The following MYO6 variants were observed in gnomAD, a reference collection of about 807,000 sequenced individuals.
MYO6 encodes the protein unconventional myosin-VI.
Under a neutral mutation model 178.7 loss-of-function variants are expected in MYO6, and 74 were observed. That is an observed-to-expected ratio of 0.41 (90% CI 0.34 to 0.50). The LOEUF is 0.50. MYO6 is among the 20% of genes least tolerant of loss of function. The probability of loss-of-function intolerance (pLI) is 0.09; values close to 1 mark genes in which losing one functional copy is unlikely to be tolerated. For synonymous variants in MYO6, 477 were observed against 504.6 expected, an observed-to-expected ratio of 0.95 and a Z score of 0.73; for missense variants, 1,330 against 1,547.4, an observed-to-expected ratio of 0.86 and a Z score of 2.36.
intron 25 of MYO6, among the ~76,000 whole-genome samples, chr6:75,889,288 A>G (rs1344250077): frequency 6.6e-6 from 1 of 152,246 alleles, no homozygotes. Context: ...TTTGAAGGCT[A>G]ATTTTAGAAA....
intron 26 of MYO6, among the ~76,000 whole-genome samples, chr6:75,890,468 C>T (rs1055531226): frequency 5.9e-5 from 9 of 152,246 alleles, no homozygotes; most frequent in African/African-American, 2.2e-4. Flanking sequence ...CCTCAGCCTC[C>T]TGAGTAGCTG....
intron 1 of MYO6, among the ~76,000 whole-genome samples, chr6:75,770,832 G>C (rs756017187): frequency 1.3e-4 from 20 of 152,166 alleles, no homozygotes; most frequent in Non-Finnish European, 2.6e-4. Flanking sequence ...TTGAAAGCCA[G>C]ATGTCTTTTA....
At chr6:75,904,381 T>G (rs9763868) in intron 30 of MYO6, among the ~76,000 whole-genome samples, 34,132 of 151,012 alleles carry the variant, frequency 0.23, 5,068 homozygotes, top group Middle Eastern at 0.39. Flanking sequence ...GACATAGATT[T>G]GGTCTTTTCA....
chr6:75,831,171 C>T (rs187708482), intron 5 of MYO6, among the ~76,000 whole-genome samples: 1 of 152,168 alleles, frequency 6.6e-6, no homozygotes, highest in South Asian at 2.1e-4. Flanking sequence ...TCAGAATGAG[C>T]AATTACCCCT....
chr6:75,873,281 G>T lies in MYO6; in HGVS notation c.2058G>T (p.Leu686=). The T allele has an allele frequency of 1.9e-6, 3 of 1,613,422 alleles. No individual in the cohort carries two copies. Among genetic ancestry groups the T allele is most frequent in the Non-Finnish European group, 2.5e-6 (3 of 1,179,414 alleles). Residue 686 remains leucine (L), a synonymous_variant, in exon 20 of 35, where the codon CTG becomes CTT. Transcript: ENST00000369977. ...ACCACTTTGAAGGTGCTCAAATTCT[G>T]TCTCAGCTTCAGTGTTCAGGTATTT... ...TSHHFEGAQI[L]SQLQCSGMVS...
chr6:75,895,366 A>G, intron 29 of MYO6, 106 bp downstream of exon 29: 2 of 898,924 alleles, frequency 2.2e-6, no homozygotes, highest in Non-Finnish European at 1.8e-6. Flanking sequence ...TTGAAAGGTA[A>G]TGAGATAACC....
chr6:75,796,471 CA>C (rs758651755), intron 1 of MYO6, among the ~76,000 whole-genome samples: 55 of 151,894 alleles, frequency 3.6e-4, no homozygotes, highest in Non-Finnish European at 6.8e-4. Context: ...GGTACATGTA[CA>C]GGTTTGTTAC....
In MYO6 at chr6:75,841,298, C is replaced by T; in HGVS notation, c.736C>T (p.His246Tyr). The T allele has an allele frequency of 6.2e-7, 1 of 1,613,142 alleles. No individual in the cohort carries two copies. The highest frequency in any genetic ancestry group is 8.5e-7 in the Non-Finnish European group (1 of 1,179,202). The change falls in exon 9 of 35, where the codon CAT (histidine) becomes TAT (tyrosine). Residue 246 changes from histidine (H) to tyrosine (Y), a missense_variant. Coordinates refer to ENST00000369977, the MANE Select transcript of MYO6 (RefSeq NM_004999.4). Reference protein sequence around the residue: ...CVQGKEERNYHIFYRLCAGAS... With the variant: ...CVQGKEERNYYIFYRLCAGAS... ...TCAAGGCAAAGAGGAAAGAAATTAT[C>T]ATATCTTTTATAGGTTGTGTGCTGG...
intron 1 of MYO6, among the ~76,000 whole-genome samples, chr6:75,764,070 T>C (rs1386123201): frequency 6.6e-6 from 1 of 152,140 alleles, no homozygotes; most frequent in African/African-American, 2.4e-5. Context: ...TTTTTAGAGA[T>C]AGAGTCTCAC....
rs73460999 is a variant in MYO6, at chr6:75,789,639, A to G, written c.-47-27862A>G. On this transcript the variant is annotated intron_variant, in intron 1 of 34. Transcript: ENST00000369977. ...ATTAATTTTTATTTATAATTGACAC[A>G]TAATTGTACATATTTATGGGGTACA... Among the ~76,000 whole-genome samples, 338 of 152,162 alleles carry G rather than the reference A, an allele frequency of 2.2e-3. 1 individual carries two copies. The highest frequency in any genetic ancestry group is 7.8e-3 in the African/African-American group (324 of 41,520).
intron 29 of MYO6, among the ~76,000 whole-genome samples, chr6:75,897,582 T>A (rs1302410998): frequency 1.3e-5 from 2 of 152,206 alleles, no homozygotes; most frequent in Non-Finnish European, 2.9e-5. Context: ...TCTTCTTTTC[T>A]TATGATTTTA....
chr6:75,796,496 G>A (rs1228703274), intron 1 of MYO6, among the ~76,000 whole-genome samples: 1 of 152,054 alleles, frequency 6.6e-6, no homozygotes, highest in African/African-American at 2.4e-5. Context: ...GGTATACTGT[G>A]TGCTACTGAG....
rs547664872 is a variant in MYO6 at position 75,814,039 on chromosome 6, A to G, written c.-47-3462A>G. Among the ~76,000 whole-genome samples the G allele has an allele frequency of 4.0e-4, 61 of 152,128 alleles. No homozygotes were observed. In the South Asian group the frequency reaches 0.013, roughly 31 times the overall value. On this transcript the variant is annotated intron_variant, in intron 1 of 34. Coordinates refer to ENST00000369977, the MANE Select transcript of MYO6 (RefSeq NM_004999.4). Reference sequence around the variant, plus strand: ...TCTCACTAGGTCACATGCTCCCCAAACCCGGTGGCTCTGAGCCTATCATAG... The same window carrying G: ...TCTCACTAGGTCACATGCTCCCCAAGCCCGGTGGCTCTGAGCCTATCATAG...
intron 1 of MYO6, among the ~76,000 whole-genome samples, chr6:75,805,359 A>G (rs1769968873): frequency 6.6e-6 from 1 of 152,154 alleles, no homozygotes; most frequent in Non-Finnish European, 1.5e-5. Flanking sequence ...GTGACATGGC[A>G]GGCAACAGCT....
At chr6:75,887,907 G>A (rs1249251470) in intron 25 of MYO6, among the ~76,000 whole-genome samples, 1 of 150,860 alleles carries the variant, frequency 6.6e-6, no homozygotes, top group Non-Finnish European at 1.5e-5. Flanking sequence ...TGAACCGGGG[G>A]GGCGGAGCTT....
intron 1 of MYO6, among the ~76,000 whole-genome samples, chr6:75,809,423 G>A (rs1414609334): frequency 2.6e-5 from 4 of 152,186 alleles, no homozygotes; most frequent in Non-Finnish European, 5.9e-5. Context: ...AATGGAAAAA[G>A]CAAACTGTAA....
At chr6:75,902,338 G>C (rs1779865648) in intron 30 of MYO6, among the ~76,000 whole-genome samples, 2 of 152,174 alleles carry the variant, frequency 1.3e-5, no homozygotes, top group Admixed American at 6.5e-5. Context: ...GAATTCGGCT[G>C]TGAATCCATC....
chr6:75,871,489 A>T (rs1198101712), intron 19 of MYO6, among the ~76,000 whole-genome samples: 1 of 152,230 alleles, frequency 6.6e-6, no homozygotes, highest in East Asian at 1.9e-4. Flanking sequence ...GGCTCAAGTG[A>T]TCTGCCTGAC....
chr6:75,847,504 T>A (rs34090650), intron 10 of MYO6, among the ~76,000 whole-genome samples: 59,519 of 151,804 alleles, frequency 0.39, 12,625 homozygotes, highest in Middle Eastern at 0.54. Context: ...GTTTCTGCAG[T>A]CCTGACTTTC....
Sources: gnomAD v4.1 joint callset for allele counts (sites outside exome capture counted in the v4.1 genomes callset) on GRCh38, gnomAD v4.1.1 for gene constraint, MANE v1.5 for transcripts, NCBI Gene and HGNC (gene_info 2026-07-23, HGNC 2026-07-21) for gene names.